RARB: variants seen among roughly 807,000 people sequenced by gnomAD.
RARB encodes the protein HBV-activated protein.
RARB carries 17 observed loss-of-function variants against 51.9 expected under a neutral mutation model. The observed-to-expected ratio is 0.33, with a 90% confidence interval of 0.22 to 0.49. The LOEUF (loss-of-function observed/expected upper bound fraction) is 0.49. Ranked by LOEUF, RARB falls within the 20% of genes least tolerant of loss-of-function variation. RARB has a pLI of 0.99. For missense variants in RARB, 369 were observed against 550.8 expected, an observed-to-expected ratio of 0.67 and a Z score of 3.30; for synonymous variants, 215 against 195.4, an observed-to-expected ratio of 1.10 and a Z score of -0.84.
Position 24,898,785 on chromosome 3 carries a change from G to A in RARB, c.-380+40033G>A, listed in dbSNP as rs1021995309. 8.5e-5 allele frequency among the ~76,000 whole-genome samples: 13 copies of A among 152,134 alleles called. 1 individual carries two copies. In the East Asian group the frequency reaches 1.3e-3, roughly 16 times the overall value. ...TTAGCTTTTTGCTCTAATGTTTTTA[G>A]CATTTGGCTTTTGTCCTTCCTGTTG... is the stretch of plus-strand genomic sequence containing the variant. On this transcript the variant is annotated intron_variant, in intron 2 of 11. Coordinates refer to the RARB transcript ENST00000383772.
intron 2 of RARB, among the ~76,000 whole-genome samples, chr3:24,973,394 A>G (rs1332433998): frequency 2.0e-5 from 3 of 152,104 alleles, no homozygotes; most frequent in East Asian, 1.9e-4. Flanking sequence ...TTGAAGTACA[A>G]TAGTATAATG....
chr3:25,283,638 C>A (rs959896342), intron 5 of RARB, among the ~76,000 whole-genome samples: 4 of 152,232 alleles, frequency 2.6e-5, no homozygotes, highest in African/African-American at 9.6e-5. Flanking sequence ...CTCCCTGACA[C>A]ACCTTGTGAA....
At chr3:25,354,288 T>C (rs1173874909) in intron 5 of RARB, among the ~76,000 whole-genome samples, 1 of 152,086 alleles carries the variant, frequency 6.6e-6, no homozygotes, top group Non-Finnish European at 1.5e-5. Flanking sequence ...TTCATGCTTC[T>C]GAAGACAGTA....
chr3:25,233,307 A>AT, intron 5 of RARB, among the ~76,000 whole-genome samples: 1 of 152,148 alleles, frequency 6.6e-6, no homozygotes, highest in South Asian at 2.1e-4. Context: ...TTATAGGTTT[A>AT]TCAGAACATA....
chr3:24,971,483 A>T (rs1696396602), intron 2 of RARB, among the ~76,000 whole-genome samples: 1 of 152,088 alleles, frequency 6.6e-6, no homozygotes, highest in Admixed American at 6.6e-5. Flanking sequence ...GACCAATACC[A>T]GTAATTCGTT....
At chr3:25,471,412 T>C (rs1248503458) in intron 2 of RARB, among the ~76,000 whole-genome samples, 1 of 152,232 alleles carries the variant, frequency 6.6e-6, no homozygotes, top group African/African-American at 2.4e-5. Flanking sequence ...AATGACAATC[T>C]ACCTTTTCCT....
intron 2 of RARB, among the ~76,000 whole-genome samples, chr3:25,050,012 A>G (rs527667246): frequency 6.6e-6 from 1 of 152,248 alleles, no homozygotes; most frequent in African/African-American, 2.4e-5. Context: ...TTTTGGGAGG[A>G]AAAGTTTAAT....
chr3:24,921,172 C>T (rs1695209574), intron 2 of RARB, among the ~76,000 whole-genome samples: 1 of 151,996 alleles, frequency 6.6e-6, no homozygotes, highest in South Asian at 2.1e-4. Flanking sequence ...TTTGAATAGC[C>T]CATGAGACTA....
chr3:24,953,134 A>G (rs73034831), intron 2 of RARB, among the ~76,000 whole-genome samples: 4 of 152,294 alleles, frequency 2.6e-5, no homozygotes, highest in Admixed American at 6.5e-5. Context: ...GCACGTAGAT[A>G]AAAGAGTTCA....
At chr3:25,143,523 C>T (rs1273901448) in intron 4 of RARB, among the ~76,000 whole-genome samples, 3 of 152,170 alleles carry the variant, frequency 2.0e-5, no homozygotes, top group Non-Finnish European at 4.4e-5. Context: ...CACACAAGCT[C>T]AGGTTAGAGT....
rs1454689238 is a variant in RARB, at chr3:25,124,220, A to G, written c.-327-7941A>G. 3.3e-5 allele frequency among the ~76,000 whole-genome samples: 5 copies of G among 152,154 alleles called. No individual in the cohort carries two copies. The East Asian group carries it at 9.7e-4, about 29-fold the overall frequency. ...AAACTTTGTCTCTACTACAAATAAG[A>G]AAAATTAGCTGGGTGTCATGGCAGG... On this transcript the variant is annotated intron_variant, in intron 3 of 11. Transcript: ENST00000383772.
intron 5 of RARB, among the ~76,000 whole-genome samples, chr3:25,333,610 G>A (rs909126484): frequency 2.6e-5 from 4 of 152,156 alleles, no homozygotes; most frequent in Non-Finnish European, 2.9e-5. Context: ...TCAGGACATA[G>A]GCATGAGCAA....
intron 2 of RARB, among the ~76,000 whole-genome samples, chr3:25,471,096 T>C (rs1695665096): frequency 6.6e-6 from 1 of 152,220 alleles, no homozygotes; most frequent in African/African-American, 2.4e-5. Context: ...ATATAATGAA[T>C]TGCATCTAAT....
At chr3:25,484,399 G>A (rs1696368859) in intron 2 of RARB, among the ~76,000 whole-genome samples, 1 of 152,080 alleles carries the variant, frequency 6.6e-6, no homozygotes, top group Non-Finnish European at 1.5e-5. Context: ...GTGTACGTGT[G>A]TGCATGTGTG....
At chr3:25,449,711 CAAAAAG>C (rs1709104550) in intron 1 of RARB, among the ~76,000 whole-genome samples, 1 of 151,444 alleles carries the variant, frequency 6.6e-6, no homozygotes, top group Non-Finnish European at 1.5e-5. Flanking sequence ...TCTTGCCTGT[CAAAAAG>C]AAATAGTAAA....
At chr3:24,890,131 G>A (rs1422321313) in intron 2 of RARB, among the ~76,000 whole-genome samples, 2 of 152,110 alleles carry the variant, frequency 1.3e-5, no homozygotes, top group Non-Finnish European at 1.5e-5. Flanking sequence ...ACACAGAAGT[G>A]CTCTTTTCAG....
intron 2 of RARB, among the ~76,000 whole-genome samples, chr3:24,882,744 C>T (rs564469519): frequency 6.6e-6 from 1 of 152,280 alleles, no homozygotes; most frequent in East Asian, 1.9e-4. Context: ...CAGACATTCC[C>T]CATGTCTCTG....
intron 1 of RARB, among the ~76,000 whole-genome samples, chr3:24,845,531 A>G (rs1406708750): frequency 6.6e-6 from 1 of 152,188 alleles, no homozygotes; most frequent in Non-Finnish European, 1.5e-5. Flanking sequence ...GTTTTCTCAC[A>G]TCCCATTGTC....
intron 3 of RARB, among the ~76,000 whole-genome samples, chr3:25,102,298 T>C (rs1333213536): frequency 6.6e-6 from 1 of 152,152 alleles, no homozygotes; most frequent in Non-Finnish European, 1.5e-5. Flanking sequence ...CCTAGCACTT[T>C]GGGAAGCCGA....
Sources: gnomAD v4.1 joint callset for allele counts (sites outside exome capture counted in the v4.1 genomes callset) on GRCh38, gnomAD v4.1.1 for gene constraint, MANE v1.5 for transcripts, NCBI Gene and HGNC (gene_info 2026-07-23, HGNC 2026-07-21) for gene names.